The following UBTD2 variants were observed in gnomAD, a reference collection of about 807,000 sequenced individuals.
UBTD2 encodes ubiquitin domain-containing protein 2.
A neutral mutation model predicts 19.8 loss-of-function variants in UBTD2; 9 were observed. The ratio of observed to expected loss-of-function variants is 0.46; its 90% CI spans 0.27 to 0.79. UBTD2 has a LOEUF of 0.79. Ranked by LOEUF, UBTD2 falls within the 30% of genes least tolerant of loss-of-function variation. UBTD2 has a pLI of 0.14. For synonymous variants in UBTD2, 98 were observed against 103.9 expected, an observed-to-expected ratio of 0.94 and a Z score of 0.35; for missense variants, 250 against 300.4, an observed-to-expected ratio of 0.83 and a Z score of 1.24.
intron 1 of UBTD2, among the ~76,000 whole-genome samples, chr5:172,275,348 G>C (rs1755586557): frequency 2.0e-5 from 3 of 152,220 alleles, no homozygotes; most frequent in African/African-American, 7.2e-5. Flanking sequence ...CTACAATTCA[G>C]GATGAGATTT....
intron 1 of UBTD2, among the ~76,000 whole-genome samples, chr5:172,265,095 G>C (rs1755348417): frequency 6.6e-6 from 1 of 152,164 alleles, no homozygotes; most frequent in Non-Finnish European, 1.5e-5. Context: ...CACCTCCAAA[G>C]CAAGTCAAGT....
chr5:172,282,457 T>C (rs1279325783), intron 1 of UBTD2, among the ~76,000 whole-genome samples: 1 of 151,950 alleles, frequency 6.6e-6, no homozygotes, highest in African/African-American at 2.4e-5. Flanking sequence ...GGAAATCCAT[T>C]AGCCAAAAAA....
chr5:172,265,468 G>A (rs1054771943), intron 1 of UBTD2, among the ~76,000 whole-genome samples: 7 of 152,084 alleles, frequency 4.6e-5, no homozygotes, highest in African/African-American at 1.2e-4. Context: ...CCGAGTAGCT[G>A]GGACTACAGG....
chr5:172,252,058 G>A (rs1755036217), intron 1 of UBTD2, among the ~76,000 whole-genome samples: 1 of 152,186 alleles, frequency 6.6e-6, no homozygotes, highest in African/African-American at 2.4e-5. Flanking sequence ...TGAATTAGAA[G>A]AAGTAACTAT....
At chr5:172,263,076 T>G (rs2113102190) in intron 1 of UBTD2, among the ~76,000 whole-genome samples, 1 of 152,160 alleles carries the variant, frequency 6.6e-6, no homozygotes, top group South Asian at 2.1e-4. Context: ...TAGCTGGGAC[T>G]ACAGGTGCGC....
chr5:172,233,468 T>C (rs1043338873), intron 2 of UBTD2, among the ~76,000 whole-genome samples: 1 of 152,148 alleles, frequency 6.6e-6, no homozygotes. Context: ...AACAAGAGTA[T>C]GTACATGGAC....
At chr5:172,255,921 T>A (rs1193270777) in intron 1 of UBTD2, among the ~76,000 whole-genome samples, 2 of 152,068 alleles carry the variant, frequency 1.3e-5, no homozygotes, top group Admixed American at 1.3e-4. Context: ...AAACCCCATC[T>A]CTACTGAAAA....
chr5:172,234,164 C>T lies in UBTD2; in HGVS notation c.265G>A (p.Ala89Thr). 6.2e-7 allele frequency: 1 copy of T among 1,614,128 alleles called. No individual in the cohort carries two copies. Among genetic ancestry groups the T allele is most frequent in the Non-Finnish European group, 8.5e-7 (1 of 1,180,020 alleles). The change falls in exon 2 of 3, where the codon GCA (alanine) becomes ACA (threonine). Residue 89 changes from alanine (A) to threonine (T), a missense_variant. By Grantham distance (58) the Ala-to-Thr change is moderately conservative. Transcript: ENST00000393792. ...HAFESNDHELAQAIIDGANIT... is the reference protein window; with the variant it reads ...HAFESNDHELTQAIIDGANIT... ...TTTGCACCATCAATGATTGCTTGTGCCAGTTCATGATCATTGCTCTCAAAA... is the reference window on the plus strand; with the variant it reads ...TTTGCACCATCAATGATTGCTTGTGTCAGTTCATGATCATTGCTCTCAAAA...
At chr5:172,255,326 T>C (rs10060152) in intron 1 of UBTD2, 145,322 of 452,702 alleles carry the variant, frequency 0.32, 24,435 homozygotes, top group South Asian at 0.44. Context: ...GTGGAGTAGA[T>C]GACCCCATAC....
intron 2 of UBTD2, among the ~76,000 whole-genome samples, chr5:172,212,606 T>A (rs570225940): frequency 6.6e-6 from 1 of 152,198 alleles, no homozygotes; most frequent in South Asian, 2.1e-4. Context: ...GCAAGCAAAT[T>A]AAAAAAAATT....
chr5:172,229,858 C>A (rs1771854951), intron 2 of UBTD2, among the ~76,000 whole-genome samples: 3 of 152,002 alleles, frequency 2.0e-5, no homozygotes, highest in South Asian at 4.1e-4. Flanking sequence ...CCTGTTTATA[C>A]CAATTTGGCA....
At chr5:172,267,578 A>G (rs183832748) in intron 1 of UBTD2, among the ~76,000 whole-genome samples, 2 of 152,334 alleles carry the variant, frequency 1.3e-5, no homozygotes, top group Admixed American at 6.5e-5. Flanking sequence ...ATATAACTTA[A>G]GTCATAACAC....
intron 1 of UBTD2, among the ~76,000 whole-genome samples, chr5:172,270,350 ATTTTTTTTTT>A (rs758440849): frequency 2.1e-4 from 21 of 98,752 alleles, no homozygotes; most frequent in African/African-American, 8.6e-4. Flanking sequence ...GAATTTTAGA[ATTTTTTTTTT>A]TTTTTTTTTT....
chr5:172,255,607 G>A (rs1015022972), intron 1 of UBTD2, among the ~76,000 whole-genome samples: 1 of 152,124 alleles, frequency 6.6e-6, no homozygotes, highest in Admixed American at 6.5e-5. Flanking sequence ...AGCGCATGCA[G>A]CAGGCGCTCT....
chr5:172,246,233 G>C (rs547321623), intron 1 of UBTD2, among the ~76,000 whole-genome samples: 1 of 151,750 alleles, frequency 6.6e-6, no homozygotes, highest in South Asian at 2.1e-4. Context: ...ATGAAAAATA[G>C]AAAATCTATA....
At chr5:172,218,798 T>G (rs796925718) in intron 2 of UBTD2, among the ~76,000 whole-genome samples, 2 of 121,468 alleles carry the variant, frequency 1.6e-5, no homozygotes, top group African/African-American at 3.0e-5. Context: ...AATAAAAAAA[T>G]AAAAAAAAAA....
At chr5:172,241,360 G>T (rs1013712630) in intron 1 of UBTD2, among the ~76,000 whole-genome samples, 1 of 147,896 alleles carries the variant, frequency 6.8e-6, no homozygotes, top group African/African-American at 2.5e-5. Flanking sequence ...AGTGAGCTGA[G>T]ATCATGCCAT....
At chr5:172,256,646 C>T (rs896671086) in intron 1 of UBTD2, among the ~76,000 whole-genome samples, 4 of 151,494 alleles carry the variant, frequency 2.6e-5, no homozygotes, top group Non-Finnish European at 5.9e-5. Context: ...AGCGGCCAGG[C>T]GAGGTGGTTC....
intron 1 of UBTD2, among the ~76,000 whole-genome samples, chr5:172,272,587 C>T (rs1167505875): frequency 1.3e-5 from 2 of 152,078 alleles, no homozygotes; most frequent in Non-Finnish European, 1.5e-5. Flanking sequence ...ATTCCTGCAA[C>T]AAGATAAGAA....
Sources: allele counts gnomAD v4.1 joint callset (sites outside exome capture counted in the v4.1 genomes callset), GRCh38; gene constraint gnomAD v4.1.1; transcripts MANE v1.5; gene names NCBI Gene and HGNC (gene_info 2026-07-23, HGNC 2026-07-21).